The following POMP variants were observed in gnomAD, a reference collection of about 807,000 sequenced individuals.
POMP encodes proteasome maturation protein, also known as 2510048O06Rik.
POMP carries 12 observed loss-of-function variants against 20.6 expected under a neutral mutation model. The observed-to-expected ratio is 0.58, with a 90% confidence interval of 0.37 to 0.94. POMP has a LOEUF of 0.94. Ranked by LOEUF, POMP falls within the 40% of genes least tolerant of loss-of-function variation. The pLI is 0.01. For synonymous variants in POMP, 53 were observed against 55.0 expected (o/e 0.96, Z 0.16); for missense variants, 136 against 161.1 (o/e 0.84, Z 0.84).
intron 1 of POMP, among the ~76,000 whole-genome samples, chr13:28,659,444 C>G (rs1346905263): frequency 1.3e-5 from 2 of 152,198 alleles, no homozygotes; most frequent in African/African-American, 4.8e-5. Context: ...GCCCTTCCAT[C>G]CCTTAGACCC....
Position 28,662,445 on chromosome 13 carries a change from T to C in POMP, c.39T>C (p.Ser13=). The C allele has an allele frequency of 6.2e-7, 1 of 1,614,020 alleles. No homozygotes were observed. Among genetic ancestry groups the C allele is most frequent in the South Asian group, 1.1e-5 (1 of 91,086 alleles). The change falls in exon 2 of 6, where the codon AGT becomes AGC. Residue 13 remains serine, a synonymous_variant. Coordinates refer to ENST00000380842, the MANE Select transcript of POMP (RefSeq NM_015932.6). The part of the protein sequence containing the change: ...ARGLGSELKD[S]IPVTELSASG... The stretch of plus-strand genomic sequence containing the variant: ...GACTTGGATCTGAGCTAAAGGACAG[T>C]ATTCCAGTTACTGAACTTTCAGCAA...
At chr13:28,668,698 G>T (rs546635308) in intron 4 of POMP, 124 bp downstream of exon 4, 109 of 771,582 alleles carry the variant, frequency 1.4e-4, no homozygotes, top group Non-Finnish European at 2.1e-4. Flanking sequence ...CCCTTTTTAG[G>T]GTATGACCTT....
chr13:28,664,755 A>G (rs1359064080), intron 3 of POMP, among the ~76,000 whole-genome samples, 186 bp downstream of exon 3: 2 of 152,116 alleles, frequency 1.3e-5, no homozygotes, highest in African/African-American at 2.4e-5. Context: ...CTCCCTTTCT[A>G]TGCGTTCTTA....
chr13:28,673,132 G>A (rs775922051), intron 5 of POMP, among the ~76,000 whole-genome samples: 5 of 149,406 alleles, frequency 3.3e-5, no homozygotes, highest in Non-Finnish European at 3.0e-5. Flanking sequence ...GTGCAGTGGC[G>A]CAATCTCAGC....
intron 3 of POMP, among the ~76,000 whole-genome samples, chr13:28,665,693 G>A (rs957716148): frequency 2.6e-5 from 4 of 152,232 alleles, no homozygotes; most frequent in Non-Finnish European, 4.4e-5. Context: ...GCATTTAATA[G>A]GGTAAGCAGT....
At chr13:28,667,753 C>T (rs532922056) in intron 3 of POMP, among the ~76,000 whole-genome samples, 1 of 152,302 alleles carries the variant, frequency 6.6e-6, no homozygotes, top group East Asian at 1.9e-4. Flanking sequence ...TTGTAACAGT[C>T]TGTTTGCATA....
In POMP at chr13:28,661,221, G is replaced by GC. The variant is rs1884334058; in HGVS notation, c.4-1189_4-1188insC. 2.0e-5 allele frequency among the ~76,000 whole-genome samples: 3 copies of GC among 152,100 alleles called. No homozygotes were observed. The South Asian group carries it at 6.2e-4, about 32-fold the overall frequency. Reference sequence around the variant, plus strand: ...CTGACACCTGTAATTCCAGCACTTTGGGGGGTGCTGAGGCAGGAAGATGGC... The same window carrying GC: ...CTGACACCTGTAATTCCAGCACTTTGCGGGGGTGCTGAGGCAGGAAGATGGC... On this transcript the variant is annotated intron_variant, in intron 1 of 5. Transcript: ENST00000380842.
intron 1 of POMP, among the ~76,000 whole-genome samples, chr13:28,660,114 T>G (rs1467942697): frequency 1.3e-5 from 2 of 152,218 alleles, no homozygotes; most frequent in South Asian, 2.1e-4. Flanking sequence ...CACCTTTTCT[T>G]TGTGCGTTGA....
intron 3 of POMP, among the ~76,000 whole-genome samples, chr13:28,667,133 GT>G (rs2137794081): frequency 6.6e-6 from 1 of 152,266 alleles, no homozygotes; most frequent in East Asian, 1.9e-4. Flanking sequence ...TTTGCACACG[GT>G]TGCTAACTTA....
chr13:28,671,599 G>T (rs1320281665), intron 4 of POMP, among the ~76,000 whole-genome samples: 2 of 149,782 alleles, frequency 1.3e-5, no homozygotes, highest in Non-Finnish European at 3.0e-5. Context: ...TAATTTACAG[G>T]TTCCTATTTT....
chr13:28,668,469 G>A lies in POMP; in HGVS notation c.163-4G>A. 1 of 1,586,202 alleles carries A rather than the reference G, an allele frequency of 6.3e-7. No homozygotes were observed. Among genetic ancestry groups the A allele is most frequent in the Non-Finnish European group, 8.7e-7 (1 of 1,154,934 alleles). On this transcript the variant is annotated splice_region_variant and splice_polypyrimidine_tract_variant and intron_variant, in intron 3 of 5. Coordinates refer to ENST00000380842, the MANE Select transcript of POMP (RefSeq NM_015932.6). ...AATGTTTAAAATTACATTGTCTTTT[G>A]TAGTTCCAGCTCAACCAAGATAAAA... is the stretch of plus-strand genomic sequence containing the variant.
In POMP at chr13:28,659,200, C is replaced by G. The variant is rs199642264; in HGVS notation, c.3+13C>G. On this transcript the variant is annotated intron_variant, in intron 1 of 5. Transcript: ENST00000380842. ...GCTGCGGAAGATGGTGAGTGGGTAC[C>G]CGGGCGGCTGGAGTTCCACGCGGGC... 5.0e-6 allele frequency: 8 copies of G among 1,589,210 alleles called. No individual in the cohort carries two copies. The South Asian group carries it at 9.1e-5, about 18-fold the overall frequency.
At chr13:28,666,032 A>T (rs555045953) in intron 3 of POMP, among the ~76,000 whole-genome samples, 1 of 152,346 alleles carries the variant, frequency 6.6e-6, no homozygotes, top group East Asian at 1.9e-4. Context: ...GAAAGAATGT[A>T]TATTAGGTTT....
chr13:28,659,598 C>T (rs1323466647), intron 1 of POMP, among the ~76,000 whole-genome samples: 1 of 152,164 alleles, frequency 6.6e-6, no homozygotes, highest in Non-Finnish European at 1.5e-5. Flanking sequence ...CTCCTCATCT[C>T]CCCCAGCCCC....
intron 2 of POMP, among the ~76,000 whole-genome samples, chr13:28,663,781 A>G (rs1254000323): frequency 1.3e-5 from 2 of 152,132 alleles, no homozygotes; most frequent in Non-Finnish European, 2.9e-5. Context: ...GGCAGTAACT[A>G]AGGTCTGAAG....
At chr13:28,670,759 T>A (rs1418798790) in intron 4 of POMP, among the ~76,000 whole-genome samples, 3 of 152,140 alleles carry the variant, frequency 2.0e-5, no homozygotes, top group African/African-American at 7.2e-5. Context: ...TCAATAAATT[T>A]CTATTGGCCG....
chr13:28,676,055 A>G lies in POMP; in HGVS notation c.359-1980A>G, dbSNP rs1161714037. ...TTTCTCTCTCTGTCACCCAGGCTGG[A>G]GTGCAGTGGCGCGATCTCTGCTCAC... is the stretch of plus-strand genomic sequence containing the variant. On this transcript the variant is annotated intron_variant, in intron 5 of 5. Transcript: ENST00000380842. 2.6e-5 allele frequency among the ~76,000 whole-genome samples: 4 copies of G among 151,914 alleles called. No homozygotes were observed. The East Asian group carries it at 7.7e-4, about 29-fold the overall frequency.
rs577755740 is a variant in POMP, at chr13:28,675,441, G to A, written c.359-2594G>A. ...GGCGTGAGCCATCACGCCCGGCCAG[G>A]TAGATGATTTTTATCCACCTGGTAG... On this transcript the variant is annotated intron_variant, in intron 5 of 5. Transcript: ENST00000380842. Among the ~76,000 whole-genome samples the A allele has an allele frequency of 1.4e-4, 22 of 152,302 alleles. No individual in the cohort carries two copies. The South Asian group carries it at 2.1e-3, about 14-fold the overall frequency.
At chr13:28,668,941 C>T (rs908909441) in intron 4 of POMP, among the ~76,000 whole-genome samples, 2 of 150,944 alleles carry the variant, frequency 1.3e-5, no homozygotes, top group Admixed American at 1.3e-4. Context: ...GGAAAATGTC[C>T]TTCCAATTAT....
Sources: allele counts gnomAD v4.1 joint callset (sites outside exome capture counted in the v4.1 genomes callset), GRCh38; gene constraint gnomAD v4.1.1; transcripts MANE v1.5; gene names NCBI Gene and HGNC (gene_info 2026-07-23, HGNC 2026-07-21).